JPH1: variants seen among roughly 807,000 people sequenced by gnomAD.
JPH1 encodes the protein junctophilin-1.
Under a neutral mutation model 53.6 loss-of-function variants are expected in JPH1, and 12 were observed. That is an observed-to-expected ratio of 0.22 (90% confidence interval 0.14 to 0.36). The LOEUF is 0.36. Among genes scored for constraint, JPH1 ranks in the 10% least tolerant of loss-of-function variants. The pLI is 1.00. For missense variants in JPH1, 808 were observed against 905.5 expected (o/e 0.89, Z 1.38); for synonymous variants, 375 against 363.8 (o/e 1.03, Z -0.35).
intron 2 of JPH1, among the ~76,000 whole-genome samples, chr8:74,274,126 C>T (rs963225943): frequency 9.9e-5 from 15 of 152,180 alleles, no homozygotes; most frequent in Admixed American, 9.2e-4. Flanking sequence ...TGTGCTCTGG[C>T]TCTGAATCAA....
chr8:74,259,611 C>A, intron 2 of JPH1, 108 bp from the exon 3 acceptor site: 1 of 861,354 alleles, frequency 1.2e-6, no homozygotes, highest in Non-Finnish European at 1.7e-6. Flanking sequence ...GATTATGGCC[C>A]GACACCCACA....
rs1006672052 is a variant in JPH1, at chr8:74,237,129, T to TA, written c.*15+78dup. 192 of 930,146 alleles carry TA rather than the reference T, an allele frequency of 2.1e-4. 1 individual carries two copies. The highest frequency in any genetic ancestry group is 8.0e-4 in the Middle Eastern group (3 of 3,766). 57.6% of individuals were successfully genotyped at this position (930,146 alleles called of 1,614,324 possible). ...AAAGTGAAGGACAATACGTCATTGT[T>TA]AAAAAAAATAGCAAATTTGCATATG... On this transcript the variant is annotated intron_variant, in intron 5 of 5. Coordinates refer to ENST00000342232, the MANE Select transcript of JPH1 (RefSeq NM_020647.4).
At chr8:74,280,585 A>C (rs974125618) in intron 2 of JPH1, among the ~76,000 whole-genome samples, 1 of 152,160 alleles carries the variant, frequency 6.6e-6, no homozygotes, top group Non-Finnish European at 1.5e-5. Flanking sequence ...GCACAGAGAA[A>C]AGTGGATAAC....
intron 3 of JPH1, among the ~76,000 whole-genome samples, chr8:74,253,983 A>T (rs922827689): frequency 1.3e-5 from 2 of 152,136 alleles, no homozygotes; most frequent in Non-Finnish European, 2.9e-5. Context: ...AGCTGGTACC[A>T]TTCCTTCTGA....
Position 74,236,331 on chromosome 8 carries a change from C to T in JPH1, c.*720G>A, listed in dbSNP as rs1418618710. On this transcript the variant is annotated 3_prime_UTR_variant, in exon 6 of 6. Coordinates refer to ENST00000342232, the MANE Select transcript of JPH1 (RefSeq NM_020647.4). ...TTTGTTGTTTCTTTTCCTTGAGATGCAACACGTGTGTTTCGTCCGGCCAGG... is the reference window on the plus strand; with the variant it reads ...TTTGTTGTTTCTTTTCCTTGAGATGTAACACGTGTGTTTCGTCCGGCCAGG... 2 of 152,256 alleles carry T rather than the reference C, an allele frequency of 1.3e-5. No homozygotes were observed. The highest frequency in any genetic ancestry group is 4.8e-5 in the African/African-American group (2 of 41,426). 9.4% of individuals were successfully genotyped at this position (152,256 alleles called of 1,614,324 possible).
chr8:74,315,534 G>T lies in JPH1; in HGVS notation c.466C>A (p.Arg156Ser). 1 of 1,605,834 alleles carries T rather than the reference G, an allele frequency of 6.2e-7. No homozygotes were observed. Among genetic ancestry groups the T allele is most frequent in the Non-Finnish European group, 8.5e-7 (1 of 1,177,868 alleles). ...GCCAGCGAGGTACGCAGCGGTGAGC[G>T]GATCACCGTGGCCATGCCGTAGGGC... is the stretch of plus-strand genomic sequence containing the variant. ...SVPYGMATVI[R>S]SPLRTSLASL... is the part of the protein sequence containing the mutation. Residue 156 changes from arginine (R) to serine (S), a missense_variant, in exon 2 of 6, where the codon CGC becomes AGC. This residue lies in a region of JPH1 where 756 missense variants were observed against 811.9 expected (regional missense o/e 0.93). Coordinates refer to ENST00000342232, the MANE Select transcript of JPH1 (RefSeq NM_020647.4). The surrounding 1 kb of genome is among the most constrained non-coding windows in gnomAD (Gnocchi z 6.3).
chr8:74,275,530 CT>C (rs1394002398), intron 2 of JPH1, among the ~76,000 whole-genome samples: 1 of 152,134 alleles, frequency 6.6e-6, no homozygotes, highest in African/African-American at 2.4e-5. Context: ...TACCTAAGGT[CT>C]TCTTAGTTTT....
At chr8:74,300,882 TTACTTGTTTCATATG>T (rs1171424879) in intron 2 of JPH1, among the ~76,000 whole-genome samples, 3 of 152,104 alleles carry the variant, frequency 2.0e-5, no homozygotes, top group Non-Finnish European at 2.9e-5. Flanking sequence ...CCCAGAAAGA[TTACTTGTTTCATATG>T]TACTTGTTTC....
rs1805813639 is a variant in JPH1 at position 74,244,989 on chromosome 8, G to A, written c.1445C>T (p.Pro482Leu). The change falls in exon 4 of 6, where the codon CCC (proline) becomes CTC (leucine). Residue 482 changes from proline to leucine, a missense_variant. Physicochemically the swap from Pro to Leu is moderately conservative, Grantham distance 98. Transcript: ENST00000342232. ...TGAGCTGGGGTTTTGCTTCTTCAGGGGCTTTGGGGAGGAAGCAGGAGAGTG... is the reference window on the plus strand; with the variant it reads ...TGAGCTGGGGTTTTGCTTCTTCAGGAGCTTTGGGGAGGAAGCAGGAGAGTG... The part of the protein sequence containing the change: ...HSHSPASSPK[P>L]LKKQNPSSGA... 2 of 1,613,904 alleles carry A rather than the reference G, an allele frequency of 1.2e-6. No individual in the cohort carries two copies. The highest frequency in any genetic ancestry group is 2.2e-5 in the South Asian group (2 of 91,068).
intron 2 of JPH1, among the ~76,000 whole-genome samples, chr8:74,305,937 T>C (rs533390077): frequency 6.6e-6 from 1 of 152,238 alleles, no homozygotes; most frequent in Admixed American, 6.5e-5. Flanking sequence ...CGAAAACACA[T>C]GTCCATCTCA....
intron 2 of JPH1, among the ~76,000 whole-genome samples, chr8:74,297,777 G>A (rs539904580): frequency 6.6e-6 from 1 of 152,300 alleles, no homozygotes; most frequent in Admixed American, 6.5e-5. Flanking sequence ...TATAAACGTA[G>A]TCAGAGTCAA....
At chr8:74,252,109 G>A (rs1271584317) in intron 3 of JPH1, among the ~76,000 whole-genome samples, 2 of 152,234 alleles carry the variant, frequency 1.3e-5, no homozygotes, top group East Asian at 3.9e-4. Context: ...TGGGAAAACT[G>A]GCTAGCCATA....
chr8:74,273,000 T>A (rs1352666472), intron 2 of JPH1, among the ~76,000 whole-genome samples: 1 of 152,230 alleles, frequency 6.6e-6, no homozygotes, highest in Non-Finnish European at 1.5e-5. Flanking sequence ...GAAAACAGTT[T>A]GTCTATCTTG....
At chr8:74,271,181 T>C (rs1183500532) in intron 2 of JPH1, among the ~76,000 whole-genome samples, 1 of 152,204 alleles carries the variant, frequency 6.6e-6, no homozygotes, top group Non-Finnish European at 1.5e-5. Flanking sequence ...TCAGAATCTA[T>C]GGACTGCCAT....
At chr8:74,313,331 A>T (rs1422985831) in intron 2 of JPH1, among the ~76,000 whole-genome samples, 1 of 152,200 alleles carries the variant, frequency 6.6e-6, no homozygotes, top group Non-Finnish European at 1.5e-5. Context: ...CAAAACTGTG[A>T]TCTGAAGTAA....
chr8:74,259,011 A>G (rs1393717491), intron 3 of JPH1, among the ~76,000 whole-genome samples: 5 of 152,348 alleles, frequency 3.3e-5, no homozygotes, highest in African/African-American at 7.2e-5. Flanking sequence ...CGATGGTCAC[A>G]GTCAAAATGC....
At chr8:74,318,124 ATTTC>A (rs2131469258) in intron 1 of JPH1, among the ~76,000 whole-genome samples, 2 of 152,288 alleles carry the variant, frequency 1.3e-5, no homozygotes, top group African/African-American at 4.8e-5. Context: ...GAAAGGGCCT[ATTTC>A]TTTATGAAGC....
chr8:74,297,675 T>C (rs771159508), intron 2 of JPH1, among the ~76,000 whole-genome samples: 25 of 152,242 alleles, frequency 1.6e-4, no homozygotes, highest in Non-Finnish European at 2.6e-4. Context: ...CATGTGCTCA[T>C]TCTTTTGCTC....
chr8:74,308,913 T>C (rs1367712855), intron 2 of JPH1, among the ~76,000 whole-genome samples: 1 of 152,228 alleles, frequency 6.6e-6, no homozygotes, highest in African/African-American at 2.4e-5. Context: ...GAGATCTGCA[T>C]GAAAATGCAA....
Sources: allele counts gnomAD v4.1 joint callset (sites outside exome capture counted in the v4.1 genomes callset), GRCh38; gene constraint gnomAD v4.1.1; regional missense constraint gnomAD v4.1.1; non-coding constraint Gnocchi (gnomAD v3.1); transcripts MANE v1.5; gene names NCBI Gene and HGNC (gene_info 2026-07-23, HGNC 2026-07-21).